The following FSD1L variants were observed in gnomAD, a reference collection of about 807,000 sequenced individuals.
FSD1L encodes FSD1-like protein.
Under a neutral mutation model 71.6 loss-of-function variants are expected in FSD1L, and 45 were observed. The observed-to-expected ratio is 0.63, with a 90% CI of 0.49 to 0.81. The LOEUF is 0.81. Ranked by LOEUF, FSD1L falls within the 30% of genes least tolerant of loss-of-function variation. The pLI is 0.00. For synonymous variants in FSD1L, 197 were observed against 207.2 expected, an observed-to-expected ratio of 0.95 and a Z score of 0.42; for missense variants, 561 against 618.1, an observed-to-expected ratio of 0.91 and a Z score of 0.98.
rs1837090421 is a variant in FSD1L, at chr9:105,547,743, A to C, written c.*1260A>C. On this transcript the variant is annotated 3_prime_UTR_variant, in exon 14 of 14. Transcript: ENST00000481272. ...AAAAGTCAATTATAATTTGTAACTC[A>C]CATCCTTTGAGCTAAACTAAATTAA... 1 of 152,120 alleles carries C rather than the reference A, an allele frequency of 6.6e-6. No homozygotes were observed. Among genetic ancestry groups the C allele is most frequent in the South Asian group, 2.1e-4 (1 of 4,836 alleles). The allele number at this position is 152,120 out of a possible 1,614,324, so 9.4% of individuals were successfully genotyped here. A position where few individuals can be genotyped will look rare whatever the true frequency, so the allele number is the denominator to read the frequency against.
chr9:105,508,011 C>T (rs1279829288), intron 8 of FSD1L, among the ~76,000 whole-genome samples: 2 of 151,312 alleles, frequency 1.3e-5, no homozygotes, highest in African/African-American at 4.9e-5. Flanking sequence ...CCTGTCTCAG[C>T]CTCTTGAGTA....
At chr9:105,482,669 C>T (rs1299881457) in intron 6 of FSD1L, among the ~76,000 whole-genome samples, 7 of 152,024 alleles carry the variant, frequency 4.6e-5, no homozygotes, top group African/African-American at 1.7e-4. Context: ...CATTGTTGCC[C>T]ATCTAAATTG....
At chr9:105,499,395 C>G (rs1245231822) in intron 7 of FSD1L, among the ~76,000 whole-genome samples, 1 of 152,086 alleles carries the variant, frequency 6.6e-6, no homozygotes, top group African/African-American at 2.4e-5. Flanking sequence ...CTCCATTGCT[C>G]TTTGTTTCTT....
intron 11 of FSD1L, 52 bp from the exon 12 acceptor site, chr9:105,535,015 T>C (rs1378764414): frequency 9.7e-6 from 15 of 1,540,518 alleles, no homozygotes; most frequent in East Asian, 4.9e-5. Context: ...GGTAAAACTG[T>C]GTGACTCATA....
chr9:105,468,090 A>G (rs1297762146), intron 3 of FSD1L, 103 bp from the exon 4 acceptor site: 1 of 758,082 alleles, frequency 1.3e-6, no homozygotes, highest in African/African-American at 1.8e-5. Context: ...TTAGGCCAAC[A>G]TAGTTTGTAA....
At chr9:105,519,499 T>C (rs574338678) in intron 10 of FSD1L, among the ~76,000 whole-genome samples, 2 of 152,044 alleles carry the variant, frequency 1.3e-5, no homozygotes, top group Non-Finnish European at 2.9e-5. Flanking sequence ...GTTCAACATA[T>C]AGAAATCAAT....
At chr9:105,497,158 G>A (rs966149921) in intron 7 of FSD1L, among the ~76,000 whole-genome samples, 21 of 152,250 alleles carry the variant, frequency 1.4e-4, no homozygotes, top group African/African-American at 5.1e-4. Flanking sequence ...GCCTGTTGAT[G>A]TGATGGGTTA....
intron 6 of FSD1L, among the ~76,000 whole-genome samples, chr9:105,480,467 T>A (rs530463516): frequency 6.6e-6 from 1 of 152,266 alleles, no homozygotes; most frequent in Admixed American, 6.5e-5. Flanking sequence ...AATTTTTGTA[T>A]TTTTTGTAGA....
In FSD1L at chr9:105,489,611, C is replaced by T. The variant is rs184826911; in HGVS notation, c.586+5109C>T. Among the ~76,000 whole-genome samples the T allele has an allele frequency of 2.5e-3, 382 of 152,160 alleles. 3 individuals are homozygous for T. The highest frequency in any genetic ancestry group is 8.2e-3 in the African/African-American group (342 of 41,508). On this transcript the variant is annotated intron_variant, in intron 7 of 13. Transcript: ENST00000481272. ...TGCTGGTGTGCTGCACACATTAACTCGTCATTTAGCATTAGGTATATCTCC... is the reference window on the plus strand; with the variant it reads ...TGCTGGTGTGCTGCACACATTAACTTGTCATTTAGCATTAGGTATATCTCC...
At chr9:105,443,137 C>T (rs1192191126), upstream of FSD1L, among the ~76,000 whole-genome samples, 3 of 152,232 alleles carry the variant, frequency 2.0e-5, no homozygotes, top group African/African-American at 7.2e-5. Flanking sequence ...CGCCAGCCCA[C>T]ATCAGGGCAG....
chr9:105,453,558 C>T (rs540719698), intron 1 of FSD1L, among the ~76,000 whole-genome samples: 20 of 151,960 alleles, frequency 1.3e-4, no homozygotes, highest in Admixed American at 7.2e-4. Flanking sequence ...CTTTTTTCAA[C>T]TCTTTTGAGG....
intron 7 of FSD1L, among the ~76,000 whole-genome samples, chr9:105,485,533 GT>G (rs34268568): frequency 0.18 from 14,078 of 79,496 alleles, 407 homozygotes; most frequent in African/African-American, 0.3. Context: ...TTGGTTAGGT[GT>G]TTTTTTTTTT....
At chr9:105,502,428 A>C (rs1054901983) in intron 7 of FSD1L, among the ~76,000 whole-genome samples, 1 of 152,128 alleles carries the variant, frequency 6.6e-6, no homozygotes, top group African/African-American at 2.4e-5. Context: ...TGGAGAATTT[A>C]CGTGTTGATT....
At chr9:105,468,076 T>C in intron 3 of FSD1L, 117 bp from the exon 4 acceptor site, 2 of 704,494 alleles carry the variant, frequency 2.8e-6, no homozygotes, top group Non-Finnish European at 4.1e-6. Context: ...ATGTTATTTT[T>C]ATATTAGGCC....
intron 8 of FSD1L, among the ~76,000 whole-genome samples, chr9:105,507,545 G>A (rs1028188429): frequency 1.3e-5 from 2 of 152,172 alleles, no homozygotes; most frequent in African/African-American, 2.4e-5. Context: ...GCTCGGTCAA[G>A]TTGTTGACGG....
chr9:105,472,095 C>A, intron 5 of FSD1L, 90 bp downstream of exon 5: 1 of 1,324,896 alleles, frequency 7.5e-7, no homozygotes, highest in Non-Finnish European at 9.8e-7. Context: ...GATTTCTTTA[C>A]TGATTTCTAA....
intron 7 of FSD1L, among the ~76,000 whole-genome samples, chr9:105,488,473 C>A (rs1161364705): frequency 6.6e-6 from 1 of 152,112 alleles, no homozygotes; most frequent in Non-Finnish European, 1.5e-5. Context: ...ATGAATAAGG[C>A]TACTATAAAC....
At chr9:105,481,814 C>A (rs1832222014) in intron 6 of FSD1L, among the ~76,000 whole-genome samples, 1 of 151,810 alleles carries the variant, frequency 6.6e-6, no homozygotes, top group East Asian at 1.9e-4. Flanking sequence ...GCTCCATCAC[C>A]CAGGCTGGAG....
At chr9:105,456,774 T>C (rs1041577591) in intron 1 of FSD1L, among the ~76,000 whole-genome samples, 11 of 152,230 alleles carry the variant, frequency 7.2e-5, no homozygotes, top group Non-Finnish European at 1.2e-4. Context: ...ATCTCATATA[T>C]TTTACTATGA....
Sources: allele counts gnomAD v4.1 joint callset (sites outside exome capture counted in the v4.1 genomes callset), GRCh38; gene constraint gnomAD v4.1.1; transcripts MANE v1.5; gene names NCBI Gene and HGNC (gene_info 2026-07-23, HGNC 2026-07-21).